The following COL13A1 variants were observed in gnomAD, a reference collection of about 807,000 sequenced individuals.
COL13A1 encodes the protein collagen alpha-1(XIII) chain.
COL13A1 carries 89 observed loss-of-function variants against 130.9 expected under a neutral mutation model. The observed-to-expected ratio is 0.68, with a 90% CI of 0.57 to 0.81. The LOEUF (loss-of-function observed/expected upper bound fraction) is 0.81, where lower values mean the gene tolerates loss of function less well. Ranked by LOEUF, COL13A1 falls within the 30% of genes least tolerant of loss-of-function variation. The pLI is 0.00. For synonymous variants in COL13A1, 402 were observed against 341.6 expected, an observed-to-expected ratio of 1.18 and a Z score of -1.95; for missense variants, 879 against 934.6, an observed-to-expected ratio of 0.94 and a Z score of 0.78.
intron 14 of COL13A1, among the ~76,000 whole-genome samples, chr10:69,901,766 C>T (rs984074712): frequency 1.3e-5 from 2 of 152,186 alleles, no homozygotes; most frequent in African/African-American, 2.4e-5. Flanking sequence ...ATCTGGGTCA[C>T]GTGCACCAGG....
At chr10:69,927,314 G>A (rs1358076638) in intron 27 of COL13A1, among the ~76,000 whole-genome samples, 2 of 152,160 alleles carry the variant, frequency 1.3e-5, no homozygotes, top group South Asian at 2.1e-4. Flanking sequence ...AGAGCTGCCC[G>A]TGCCCTGGGT....
intron 16 of COL13A1, 74 bp from the exon 17 acceptor site, chr10:69,905,713 T>C (rs374787716): frequency 3.8e-5 from 58 of 1,526,664 alleles, no homozygotes; most frequent in Admixed American, 2.1e-4. Flanking sequence ...GGGATGGTAT[T>C]GTGTGGGGAA....
chr10:69,917,828 C>T (rs1453934614), intron 18 of COL13A1, among the ~76,000 whole-genome samples: 1 of 152,046 alleles, frequency 6.6e-6, no homozygotes, highest in Non-Finnish European at 1.5e-5. Flanking sequence ...GGCGACTGTC[C>T]CTGGTGAAAT....
intron 13 of COL13A1, among the ~76,000 whole-genome samples, chr10:69,896,018 GCCA>G (rs1324132442): frequency 6.6e-6 from 1 of 152,106 alleles, no homozygotes; most frequent in African/African-American, 2.4e-5. Flanking sequence ...CCTAGCCGTG[GCCA>G]AAACAGTGGG....
At chr10:69,899,738 C>T (rs1030435552) in intron 14 of COL13A1, among the ~76,000 whole-genome samples, 3 of 152,216 alleles carry the variant, frequency 2.0e-5, no homozygotes, top group African/African-American at 7.2e-5. Flanking sequence ...GAGATCACAG[C>T]TTGATTCCAG....
At chr10:69,831,936 C>T (rs1848911095) in intron 2 of COL13A1, among the ~76,000 whole-genome samples, 1 of 152,150 alleles carries the variant, frequency 6.6e-6, no homozygotes, top group African/African-American at 2.4e-5. Context: ...GACTGATGGG[C>T]TCAATGTGGG....
At chr10:69,869,911 C>T (rs1415620752) in intron 3 of COL13A1, among the ~76,000 whole-genome samples, 1 of 152,206 alleles carries the variant, frequency 6.6e-6, no homozygotes, top group Non-Finnish European at 1.5e-5. Context: ...TGAATATGAT[C>T]CTTGCTGAAA....
chr10:69,814,448 G>A (rs1186008436), intron 1 of COL13A1, among the ~76,000 whole-genome samples: 1 of 152,200 alleles, frequency 6.6e-6, no homozygotes, highest in Non-Finnish European at 1.5e-5. Flanking sequence ...GGCAGGCCTG[G>A]CACTGGCTCA....
chr10:69,887,255 C>G (rs566919312), intron 7 of COL13A1, among the ~76,000 whole-genome samples: 5 of 152,300 alleles, frequency 3.3e-5, no homozygotes, highest in African/African-American at 1.2e-4. Context: ...TTCCCACCCC[C>G]AGCCCCTGCA....
At chr10:69,846,688 C>T (rs1853200703) in intron 2 of COL13A1, among the ~76,000 whole-genome samples, 1 of 152,224 alleles carries the variant, frequency 6.6e-6, no homozygotes, top group Non-Finnish European at 1.5e-5. Flanking sequence ...AACCTTCCTC[C>T]CTCCAGTGCT....
chr10:69,838,560 C>A (rs527772739), intron 2 of COL13A1, among the ~76,000 whole-genome samples: 43 of 152,312 alleles, frequency 2.8e-4, no homozygotes, highest in African/African-American at 1.0e-3. Context: ...CTCTCCTGAA[C>A]CGCAGGCCAG....
chr10:69,892,961 C>G (rs1310711906), intron 10 of COL13A1, among the ~76,000 whole-genome samples: 1 of 152,204 alleles, frequency 6.6e-6, no homozygotes, highest in African/African-American at 2.4e-5. Context: ...CCCCATCACA[C>G]TTATATCTCT....
intron 2 of COL13A1, among the ~76,000 whole-genome samples, chr10:69,854,243 C>T (rs1855779370): frequency 6.6e-6 from 1 of 152,122 alleles, no homozygotes; most frequent in South Asian, 2.1e-4. Context: ...CTTCTCGTGC[C>T]ACATGCTTAA....
Position 69,958,934 on chromosome 10 carries a change from C to CA in COL13A1, c.*234dup, listed in dbSNP as rs1410879797. On this transcript the variant is annotated 3_prime_UTR_variant, in exon 41 of 41. Coordinates refer to ENST00000645393, the MANE Select transcript of COL13A1 (RefSeq NM_001368882.1). ...ATTTTTTGTTTGGTCGTAATGTCTG[C>CA]ATGATATTTGTGCACATTTATTAAG... 2 of 548,968 alleles carry CA rather than the reference C, an allele frequency of 3.6e-6. No homozygotes were observed. Among genetic ancestry groups the CA allele is most frequent in the African/African-American group, 3.9e-5 (2 of 51,914 alleles). The allele number at this position is 548,968 out of a possible 1,614,324, so 34.0% of individuals were successfully genotyped here.
intron 30 of COL13A1, 113 bp from the exon 31 acceptor site, chr10:69,932,447 G>GT (rs1225932893): frequency 2.9e-6 from 2 of 682,352 alleles, no homozygotes; most frequent in South Asian, 1.8e-5. Flanking sequence ...GGTGTTCCTT[G>GT]TTGACCCCTA....
chr10:69,900,220 G>A (rs549749088), intron 14 of COL13A1, among the ~76,000 whole-genome samples: 1 of 152,230 alleles, frequency 6.6e-6, no homozygotes, highest in South Asian at 2.1e-4. Flanking sequence ...ATTCTCCTGG[G>A]CCCCAACAGC....
intron 2 of COL13A1, among the ~76,000 whole-genome samples, chr10:69,823,157 G>A (rs1004622764): frequency 1.3e-5 from 2 of 152,230 alleles, no homozygotes; most frequent in African/African-American, 4.8e-5. Flanking sequence ...TGTAACAGCT[G>A]CGTACTAAGG....
At chr10:69,828,423 C>T (rs1296111786) in intron 2 of COL13A1, among the ~76,000 whole-genome samples, 1 of 152,192 alleles carries the variant, frequency 6.6e-6, no homozygotes, top group African/African-American at 2.4e-5. Flanking sequence ...GTCAACTCCA[C>T]TCCTCTGCTC....
At chr10:69,857,430 C>T (rs1049275853) in intron 2 of COL13A1, among the ~76,000 whole-genome samples, 7 of 152,298 alleles carry the variant, frequency 4.6e-5, no homozygotes, top group Middle Eastern at 3.4e-3. Context: ...TCAGAGCAAG[C>T]GAAGTGTCCT....
Sources: gnomAD v4.1 joint callset for allele counts (sites outside exome capture counted in the v4.1 genomes callset) on GRCh38, gnomAD v4.1.1 for gene constraint, MANE v1.5 for transcripts, NCBI Gene and HGNC (gene_info 2026-07-23, HGNC 2026-07-21) for gene names.